LMF1: variants seen among roughly 807,000 people sequenced by gnomAD.
LMF1 encodes the protein transmembrane protein 112.
LMF1 carries 68 observed loss-of-function variants against 60.6 expected under a neutral mutation model. The observed-to-expected ratio is 1.12, with a 90% CI of 0.92 to 1.37. LMF1 has a LOEUF of 1.37. Among genes scored for constraint, LMF1 ranks in the 40% most tolerant of loss-of-function variants. The pLI is 0.00. For synonymous variants in LMF1, 418 were observed against 324.7 expected (o/e 1.29, Z -3.09); for missense variants, 948 against 767.2 (o/e 1.24, Z -2.78).
intron 10 of LMF1, 23 bp from the exon 11 acceptor site, chr16:854,729 C>T (rs1191993538): frequency 1.9e-6 from 3 of 1,565,196 alleles, no homozygotes; most frequent in Non-Finnish European, 2.6e-6. Flanking sequence ...ACATGTCAGC[C>T]CAGGGCCTGC....
chr16:960,538 G>T (rs200217074), intron 1 of LMF1, among the ~76,000 whole-genome samples: 12 of 132,710 alleles, frequency 9.0e-5, no homozygotes, highest in East Asian at 2.1e-4. Context: ...GTGACAACAC[G>T]GGATCACGAC....
rs777579889 is a variant in LMF1, at chr16:879,677, G to C, written c.790C>G (p.Arg264Gly). 6.2e-7 allele frequency: 1 copy of C among 1,609,304 alleles called. No individual in the cohort carries two copies. The highest frequency in any genetic ancestry group is 1.7e-5 in the Admixed American group (1 of 59,336). ...AAGTGGTTGCTGAGCGTCTCGAAGC[G>C]ATGGAACCACCAGGGTGAGTGGTGC... The part of the protein sequence containing the change: ...YLHHSPWWFH[R>G]FETLSNHFIE... The change falls in exon 6 of 11, where the codon CGC becomes GGC. Residue 264 changes from arginine to glycine, a missense_variant. By Grantham distance (125) the Arg-to-Gly change is moderately radical. Transcript: ENST00000262301.
chr16:922,295 C>G (rs112525762), intron 3 of LMF1, among the ~76,000 whole-genome samples: 17,821 of 152,202 alleles, frequency 0.12, 1,195 homozygotes, highest in Non-Finnish European at 0.16. Flanking sequence ...CAGCCACCTC[C>G]CGAGGGGGGC....
intron 3 of LMF1, chr16:920,949 C>G (rs1054259190): frequency 6.6e-6 from 1 of 152,218 alleles, no homozygotes; most frequent in Non-Finnish European, 1.5e-5. Flanking sequence ...CTGTTCTCCC[C>G]GGGGAGCTTC....
At chr16:980,979 G>T (rs2073340515) in intron 1 of LMF1, 1 of 152,444 alleles carries the variant, frequency 6.6e-6, no homozygotes, top group South Asian at 2.0e-4. Context: ...CGGCCCCAGG[G>T]ACTCAGCGCC....
At chr16:947,189 C>T (rs1375557513) in intron 2 of LMF1, among the ~76,000 whole-genome samples, 15 of 152,242 alleles carry the variant, frequency 9.9e-5, no homozygotes, top group Non-Finnish European at 2.9e-5. Context: ...CAACTGCCAC[C>T]CCTCCCACCA....
chr16:979,508 C>T lies in LMF1; in HGVS notation c.-135+1637G>A, dbSNP rs190220637. The T allele has an allele frequency of 3.4e-3, 1,383 of 400,988 alleles. 4 individuals are homozygous for T. Among genetic ancestry groups the T allele is most frequent in the Non-Finnish European group, 5.3e-3 (1,050 of 199,018 alleles). The allele number at this position is 400,988 out of a possible 1,614,324, so 24.8% of individuals were successfully genotyped here. ...GCTGTTGGAGCCTGAGGCAGGGTCT[C>T]AGTTGCACAGACCACCGTGCCCCAG... On this transcript the variant is annotated intron_variant, in intron 1 of 6. Transcript: ENST00000570014.
In LMF1 at chr16:970,778, C is replaced by T. The variant is rs773089912; in HGVS notation, c.193+10G>A. 1 of 1,515,082 alleles carries T rather than the reference C, an allele frequency of 6.6e-7. No individual in the cohort carries two copies. The highest frequency in any genetic ancestry group is 1.2e-5 in the South Asian group (1 of 80,870). The allele number at this position is 1,515,082 out of a possible 1,614,324, so 93.9% of individuals were successfully genotyped here. A position where few individuals can be genotyped will look rare whatever the true frequency, so the allele number is the denominator to read the frequency against. ...CACTGGCGGATGTCCCGGGCCCGCC[C>T]GGCACTCACAGTACACGAAGGCTAG... On this transcript the variant is annotated intron_variant, in intron 1 of 10. Coordinates refer to ENST00000262301, the MANE Select transcript of LMF1 (RefSeq NM_022773.4).
chr16:930,587 T>G (rs1315927567), intron 3 of LMF1, among the ~76,000 whole-genome samples: 1 of 152,132 alleles, frequency 6.6e-6, no homozygotes, highest in East Asian at 1.9e-4. Flanking sequence ...CTGTGGATGG[T>G]GTGGTCATCC....
At position 966,638 on chromosome 16, in the gene LMF1, G is replaced by A. The variant is rs577707977; in HGVS notation, c.193+4150C>T. On this transcript the variant is annotated intron_variant, in intron 1 of 10. Coordinates refer to ENST00000262301, the MANE Select transcript of LMF1 (RefSeq NM_022773.4). Reference sequence around the variant, plus strand: ...TATACTCCGTGGCTGCCTGCGAGCCGTCTCCCAGGCGGGTGTGTCCTTGGT... The same window carrying A: ...TATACTCCGTGGCTGCCTGCGAGCCATCTCCCAGGCGGGTGTGTCCTTGGT... Among the ~76,000 whole-genome samples the A allele has an allele frequency of 3.9e-5, 6 of 152,326 alleles. No individual in the cohort carries two copies. The South Asian group carries it at 8.3e-4, about 21-fold the overall frequency.
At chr16:924,405 T>C (rs918577962) in intron 3 of LMF1, among the ~76,000 whole-genome samples, 27 of 152,344 alleles carry the variant, frequency 1.8e-4, no homozygotes, top group Middle Eastern at 3.4e-3. Flanking sequence ...TTCATGCACA[T>C]GCCCATTTTT....
chr16:952,327 C>CCA (rs1274797568), intron 2 of LMF1, among the ~76,000 whole-genome samples: 1 of 152,134 alleles, frequency 6.6e-6, no homozygotes, highest in Non-Finnish European at 1.5e-5. Context: ...CACAGGTGCC[C>CCA]TGATGCCAGC....
chr16:874,379 C>T lies in LMF1; in HGVS notation c.898-3038G>A, dbSNP rs960546294. 7.9e-5 allele frequency among the ~76,000 whole-genome samples: 12 copies of T among 152,136 alleles called. No individual in the cohort carries two copies. The highest frequency in any genetic ancestry group is 1.3e-4 in the Admixed American group (2 of 15,282). ...CGGGGTGGGGTGGGGCCGGACAGCCCGCTGTGGGCAGGCGCCTCAGAGGTT... is the reference window on the plus strand; with the variant it reads ...CGGGGTGGGGTGGGGCCGGACAGCCTGCTGTGGGCAGGCGCCTCAGAGGTT... On this transcript the variant is annotated intron_variant, in intron 6 of 10. Coordinates refer to ENST00000262301, the MANE Select transcript of LMF1 (RefSeq NM_022773.4). The surrounding 1 kb of genome is among the most constrained non-coding windows in gnomAD (Gnocchi z 4.1).
At chr16:866,456 C>A (rs140894254) in intron 10 of LMF1, among the ~76,000 whole-genome samples, 1 of 152,070 alleles carries the variant, frequency 6.6e-6, no homozygotes, top group Non-Finnish European at 1.5e-5. Context: ...GTAGCTATTA[C>A]GTAATACCAC....
In LMF1 at chr16:913,103, C is replaced by T. The variant is rs986465703; in HGVS notation, c.515-2024G>A. Among the ~76,000 whole-genome samples, 4 of 152,228 alleles carry T rather than the reference C, an allele frequency of 2.6e-5. No individual in the cohort carries two copies. In the South Asian group the frequency reaches 6.2e-4, roughly 24 times the overall value. On this transcript the variant is annotated intron_variant, in intron 3 of 10. Transcript: ENST00000262301. The stretch of plus-strand genomic sequence containing the variant: ...GCCTTTCCCGTTGCGCAGCTGCACG[C>T]GCTGCCTGCTGGGCGCCAGCATCTG...
At chr16:917,489 G>T (rs569052812) in intron 3 of LMF1, among the ~76,000 whole-genome samples, 225 of 128,496 alleles carry the variant, frequency 1.8e-3, no homozygotes, top group African/African-American at 7.7e-3. Flanking sequence ...GCGGGCGGGC[G>T]CAGGCCCACG....
chr16:945,755 C>A (rs1197432317), intron 2 of LMF1, among the ~76,000 whole-genome samples: 2 of 152,180 alleles, frequency 1.3e-5, no homozygotes, highest in African/African-American at 4.8e-5. Context: ...AAGGTCTTGG[C>A]AGAAAGGGTT....
chr16:900,920 C>T (rs1013372178), intron 4 of LMF1: 1 of 152,128 alleles, frequency 6.6e-6, no homozygotes, highest in African/African-American at 2.4e-5. Context: ...CTTTATCCTC[C>T]CGTGGGCCTG....
intron 3 of LMF1, among the ~76,000 whole-genome samples, chr16:919,473 G>A (rs576293830): frequency 2.3e-5 from 2 of 87,142 alleles, no homozygotes; most frequent in East Asian, 6.4e-4. Flanking sequence ...TCCAGCGCTC[G>A]CGTGAGGACA....
Sources: allele counts gnomAD v4.1 joint callset (sites outside exome capture counted in the v4.1 genomes callset), GRCh38; gene constraint gnomAD v4.1.1; non-coding constraint Gnocchi (gnomAD v3.1); transcripts MANE v1.5; gene names NCBI Gene and HGNC (gene_info 2026-07-23, HGNC 2026-07-21).